The following FRMPD4 variants were observed in gnomAD, a reference collection of about 807,000 sequenced individuals.
FRMPD4 encodes the protein FERM and PDZ domain-containing protein 4.
Under a neutral mutation model 94.1 loss-of-function variants are expected in FRMPD4, and 22 were observed. The ratio of observed to expected loss-of-function variants is 0.23; its 90% CI spans 0.17 to 0.33. The LOEUF is 0.33. Ranked by LOEUF, FRMPD4 falls within the 10% of genes least tolerant of loss-of-function variation. The pLI, the probability that FRMPD4 is intolerant of heterozygous loss-of-function variation, is 1.00. For synonymous variants in FRMPD4, 631 were observed against 548.6 expected, an observed-to-expected ratio of 1.15 and a Z score of -2.10; for missense variants, 1,111 against 1,339.9, an observed-to-expected ratio of 0.83 and a Z score of 2.67.
Position 12,012,448 on chromosome X carries a change from T to G in FRMPD4, c.95+134430T>G, listed in dbSNP as rs147852786. 7.2e-3 allele frequency among the ~76,000 whole-genome samples: 804 copies of G among 112,244 alleles called. 8 individuals carry two copies. The highest frequency in any genetic ancestry group is 0.024 in the African/African-American group (744 of 30,869). The stretch of plus-strand genomic sequence containing the variant: ...TTTTTTGTTTAATCATGAAGGTATA[T>G]TGGTCCTTGCTCCCTTTTGTTCATT... On this transcript the variant is annotated intron_variant, in intron 3 of 18. Coordinates refer to the FRMPD4 transcript ENST00000640291.
intron 3 of FRMPD4, among the ~76,000 whole-genome samples, chrX:12,115,196 T>C (rs930805317): frequency 4.5e-5 from 5 of 112,251 alleles, no homozygotes; most frequent in South Asian, 7.5e-4. Flanking sequence ...AGTTATTCTA[T>C]TTCATTTGAA....
At chrX:11,920,100 C>A (rs891107706) in intron 3 of FRMPD4, among the ~76,000 whole-genome samples, 1 of 111,796 alleles carries the variant, frequency 8.9e-6, no homozygotes, top group African/African-American at 3.3e-5. Flanking sequence ...AAGATTCCTT[C>A]CCCCCACCAT....
chrX:11,890,013 C>A (rs1264249014), intron 3 of FRMPD4, among the ~76,000 whole-genome samples: 1 of 112,442 alleles, frequency 8.9e-6, no homozygotes, highest in Admixed American at 9.4e-5. Context: ...AGTAACAGGA[C>A]AAGCCAGATT....
chrX:11,988,712 G>A (rs1037955261), intron 3 of FRMPD4, among the ~76,000 whole-genome samples: 1 of 111,110 alleles, frequency 9.0e-6, no homozygotes, highest in Non-Finnish European at 1.9e-5. Context: ...ATCTGACAAG[G>A]AATTAATAAC....
intron 1 of FRMPD4, among the ~76,000 whole-genome samples, chrX:12,358,037 A>T (rs5933994): frequency 0.18 from 20,527 of 111,394 alleles, 1,531 homozygotes; most frequent in Non-Finnish European, 0.24. Flanking sequence ...TGTTTTCAAG[A>T]TTCATCCATG....
intron 1 of FRMPD4, among the ~76,000 whole-genome samples, chrX:12,301,639 A>G (rs1047643380): frequency 8.0e-5 from 9 of 112,259 alleles, no homozygotes; most frequent in African/African-American, 1.9e-4. Context: ...CAAATACAGC[A>G]TAGTATTATA....
intron 2 of FRMPD4, among the ~76,000 whole-genome samples, chrX:12,597,025 T>C (rs1383753844): frequency 8.9e-6 from 1 of 111,968 alleles, no homozygotes; most frequent in Non-Finnish European, 1.9e-5. Flanking sequence ...CTATCTGGGG[T>C]TGATGGTAGG....
At chrX:12,042,367 A>G (rs1434405812) in intron 3 of FRMPD4, among the ~76,000 whole-genome samples, 2 of 111,032 alleles carry the variant, frequency 1.8e-5, no homozygotes, top group African/African-American at 6.5e-5. Flanking sequence ...ATATTTTTTC[A>G]TTAACTTGCT....
chrX:12,369,355 TTA>T, intron 1 of FRMPD4, among the ~76,000 whole-genome samples: 1 of 110,554 alleles, frequency 9.0e-6, no homozygotes, highest in East Asian at 2.8e-4. Flanking sequence ...AGAGCGTGGG[TTA>T]TATCATTTAA....
chrX:12,577,098 C>T (rs2058819074), intron 2 of FRMPD4, among the ~76,000 whole-genome samples: 1 of 111,965 alleles, frequency 8.9e-6, no homozygotes, highest in Non-Finnish European at 1.9e-5. Flanking sequence ...ATAGTGGGGG[C>T]TCAGTAAATG....
At chrX:12,183,844 C>G (rs975268367) in intron 1 of FRMPD4, among the ~76,000 whole-genome samples, 8 of 109,711 alleles carry the variant, frequency 7.3e-5, no homozygotes, top group African/African-American at 2.6e-4. Context: ...TTGGAGCTTT[C>G]TAAATTGACT....
At chrX:12,648,694 A>C (rs1456751266) in intron 4 of FRMPD4, among the ~76,000 whole-genome samples, 1 of 112,346 alleles carries the variant, frequency 8.9e-6, no homozygotes, top group Non-Finnish European at 1.9e-5. Context: ...TGAACACAAC[A>C]TGTATCTTTA....
At chrX:12,047,099 G>A (rs1403306494) in intron 3 of FRMPD4, among the ~76,000 whole-genome samples, 1 of 109,016 alleles carries the variant, frequency 9.2e-6, no homozygotes, top group Non-Finnish European at 1.9e-5. Flanking sequence ...ATATATAGTT[G>A]TGTATATATG....
chrX:12,059,873 A>C (rs1461560451), intron 3 of FRMPD4, among the ~76,000 whole-genome samples: 2 of 94,140 alleles, frequency 2.1e-5, no homozygotes, highest in Non-Finnish European at 4.2e-5. Flanking sequence ...TGGGCACTTA[A>C]GTTGATTCCA....
rs150355533 is a variant in FRMPD4 at position 12,012,878 on chromosome X, A to C, written c.95+134860A>C. On this transcript the variant is annotated intron_variant, in intron 3 of 18. Coordinates refer to the FRMPD4 transcript ENST00000640291. ...GAAGGATGGGAAAGGAAGGGACACTAAGTTGAGAAAACTTCATGAACAAGA... is the reference window on the plus strand; with the variant it reads ...GAAGGATGGGAAAGGAAGGGACACTCAGTTGAGAAAACTTCATGAACAAGA... 2.3e-3 allele frequency among the ~76,000 whole-genome samples: 261 copies of C among 112,582 alleles called. 1 individual carries two copies. Among genetic ancestry groups the C allele is most frequent in the African/African-American group, 7.3e-3 (228 of 31,032 alleles).
chrX:12,450,347 G>C (rs1363570719), intron 1 of FRMPD4, among the ~76,000 whole-genome samples: 1 of 111,155 alleles, frequency 9.0e-6, no homozygotes, highest in Admixed American at 9.5e-5. Flanking sequence ...GGCTTGGTTG[G>C]ACACTGCACA....
intron 1 of FRMPD4, among the ~76,000 whole-genome samples, chrX:12,387,586 G>A (rs1273698578): frequency 9.0e-6 from 1 of 111,353 alleles, no homozygotes. Flanking sequence ...AATTCATCGT[G>A]GATCAACATC....
At chrX:11,916,320 G>C (rs1337531116) in intron 3 of FRMPD4, among the ~76,000 whole-genome samples, 2 of 111,510 alleles carry the variant, frequency 1.8e-5, no homozygotes, top group Non-Finnish European at 3.8e-5. Context: ...GAAGAGGCTA[G>C]ATTTTATTTT....
intron 1 of FRMPD4, among the ~76,000 whole-genome samples, chrX:12,186,562 ACC>A (rs1286727973): frequency 9.0e-6 from 1 of 111,490 alleles, no homozygotes; most frequent in Admixed American, 9.6e-5. Flanking sequence ...ATATTTCGAC[ACC>A]TTGCCTATTG....
Sources: gnomAD v4.1 joint callset for allele counts (sites outside exome capture counted in the v4.1 genomes callset) on GRCh38, gnomAD v4.1.1 for gene constraint, MANE v1.5 for transcripts, NCBI Gene and HGNC (gene_info 2026-07-23, HGNC 2026-07-21) for gene names.